TMEM117: variants seen among roughly 807,000 people sequenced by gnomAD.
The protein encoded by TMEM117 is transmembrane protein 117.
TMEM117 carries 27 observed loss-of-function variants against 52.4 expected under a neutral mutation model. That is an observed-to-expected ratio of 0.51 (90% CI 0.38 to 0.71). The LOEUF is 0.71. TMEM117 is among the 30% of genes least tolerant of loss of function. TMEM117 has a pLI of 0.00. For missense variants in TMEM117, 556 were observed against 630.5 expected (o/e 0.88, Z 1.26); for synonymous variants, 215 against 206.3 (o/e 1.04, Z -0.36).
rs748259406 is a variant in TMEM117, at chr12:43,983,547, C to CGTGTGT, written c.410+39246_410+39251dup. Among the ~76,000 whole-genome samples the CGTGTGT allele has an allele frequency of 1.6e-4, 18 of 110,728 alleles. No homozygotes were observed. In the South Asian group the frequency reaches 2.7e-3, roughly 17 times the overall value. The allele number at this position is 110,728 out of a possible 152,430, so 72.6% of individuals were successfully genotyped here. A position where few individuals can be genotyped will look rare whatever the true frequency, so the allele number is the denominator to read the frequency against. ...AAACTGCAATTACTTTTGCACCAAC[C>CGTGTGT]GTGTGTGTGTGTGTGTGTGTGTGTG... On this transcript the variant is annotated intron_variant, in intron 3 of 7. Coordinates refer to ENST00000266534, the MANE Select transcript of TMEM117 (RefSeq NM_032256.3).
intron 3 of TMEM117, among the ~76,000 whole-genome samples, chr12:44,036,139 T>C (rs1946706709): frequency 6.6e-6 from 1 of 152,212 alleles, no homozygotes; most frequent in South Asian, 2.1e-4. Context: ...TCATCTCACA[T>C]TGCATTAAAA....
At chr12:43,826,063 A>C in the TMEM117 span, among the ~76,000 whole-genome samples, 1 of 152,234 alleles carries the variant, frequency 6.6e-6, no homozygotes. Flanking sequence ...ATTGAAATGC[A>C]CCATCAAAGG....
intron 3 of TMEM117, among the ~76,000 whole-genome samples, chr12:44,075,450 A>G (rs1335149692): frequency 6.6e-6 from 1 of 152,172 alleles, no homozygotes; most frequent in Non-Finnish European, 1.5e-5. Flanking sequence ...GCTATCTTGA[A>G]ATGTGTAATA....
chr12:44,101,871 G>A (rs1252268643), intron 3 of TMEM117, among the ~76,000 whole-genome samples: 3 of 151,944 alleles, frequency 2.0e-5, no homozygotes, highest in Non-Finnish European at 2.9e-5. Context: ...TTTTGATACA[G>A]CAAGGGTAAC....
At chr12:44,186,591 G>T (rs765560433) in intron 4 of TMEM117, among the ~76,000 whole-genome samples, 10 of 152,038 alleles carry the variant, frequency 6.6e-5, no homozygotes, top group Admixed American at 3.3e-4. Context: ...GCCTATTTTT[G>T]CAAGGAGCAT....
At chr12:44,127,656 A>G (rs565212693) in intron 3 of TMEM117, among the ~76,000 whole-genome samples, 1 of 152,244 alleles carries the variant, frequency 6.6e-6, no homozygotes, top group African/African-American at 2.4e-5. Context: ...AGCCTGGGCA[A>G]CAAGAGCAAA....
chr12:44,363,677 A>G lies in TMEM117; in HGVS notation c.769-12918A>G, dbSNP rs1442525455. ...TAATTAGCATACCTTGCAGGTATTT[A>G]CATTAAAACACCCAAATGTTCTTCC... On this transcript the variant is annotated intron_variant, in intron 6 of 7. Coordinates refer to ENST00000266534, the MANE Select transcript of TMEM117 (RefSeq NM_032256.3). 2.0e-5 allele frequency among the ~76,000 whole-genome samples: 3 copies of G among 152,302 alleles called. No individual in the cohort carries two copies. In the East Asian group the frequency reaches 5.8e-4, roughly 29 times the overall value.
intron 3 of TMEM117, among the ~76,000 whole-genome samples, chr12:44,076,621 G>T (rs1373895614): frequency 6.6e-6 from 1 of 152,150 alleles, no homozygotes; most frequent in Non-Finnish European, 1.5e-5. Flanking sequence ...AATATGGATA[G>T]CAAATCAGCA....
the TMEM117 span, among the ~76,000 whole-genome samples, chr12:43,806,765 GAATT>G: frequency 2.0e-5 from 3 of 152,146 alleles, no homozygotes; most frequent in Admixed American, 6.5e-5. Flanking sequence ...TGTTTTGAAA[GAATT>G]AATATAGACT....
intron 3 of TMEM117, among the ~76,000 whole-genome samples, chr12:44,127,878 A>T (rs1322771206): frequency 6.6e-6 from 1 of 152,204 alleles, no homozygotes; most frequent in Non-Finnish European, 1.5e-5. Context: ...GTTCCCTGAA[A>T]TAAATCTCTA....
intron 2 of TMEM117, among the ~76,000 whole-genome samples, chr12:43,861,194 T>C (rs2137397016): frequency 6.6e-6 from 1 of 152,338 alleles, no homozygotes; most frequent in Non-Finnish European, 1.5e-5. Flanking sequence ...GAGGCAGCCA[T>C]GTGGGGAAGT....
At chr12:44,010,278 G>A (rs1946268993) in intron 3 of TMEM117, 1 of 455,580 alleles carries the variant, frequency 2.2e-6, no homozygotes, top group Admixed American at 2.4e-5. Context: ...GTAAGCTCTG[G>A]CTTCCCTGGA....
At chr12:43,901,495 A>C (rs1004737203) in intron 2 of TMEM117, among the ~76,000 whole-genome samples, 1 of 151,910 alleles carries the variant, frequency 6.6e-6, no homozygotes, top group Non-Finnish European at 1.5e-5. Flanking sequence ...GTTTTTAGTA[A>C]GAGACGGGGT....
intron 3 of TMEM117, among the ~76,000 whole-genome samples, chr12:44,062,651 C>G (rs2137958692): frequency 6.6e-6 from 1 of 152,288 alleles, no homozygotes; most frequent in South Asian, 2.1e-4. Context: ...CACCTGGGAG[C>G]CATGGTCTTA....
At chr12:44,325,813 C>T (rs931961559) in intron 6 of TMEM117, among the ~76,000 whole-genome samples, 21 of 152,082 alleles carry the variant, frequency 1.4e-4, no homozygotes, top group African/African-American at 5.1e-4. Context: ...AATTCTTGAA[C>T]ACTGCTCATA....
chr12:43,968,665 A>G (rs529645889), intron 3 of TMEM117, among the ~76,000 whole-genome samples: 1 of 152,338 alleles, frequency 6.6e-6, no homozygotes, highest in East Asian at 1.9e-4. Flanking sequence ...ATCTCATCCT[A>G]TTCTGCTATA....
chr12:44,128,933 A>G (rs921054346), intron 3 of TMEM117, among the ~76,000 whole-genome samples: 13 of 152,112 alleles, frequency 8.5e-5, no homozygotes, highest in Admixed American at 2.0e-4. Context: ...GTCAACTTTA[A>G]ACTTGATGCT....
At chr12:44,153,355 T>C (rs112092509) in intron 4 of TMEM117, among the ~76,000 whole-genome samples, 2 of 152,070 alleles carry the variant, frequency 1.3e-5, no homozygotes, top group Non-Finnish European at 2.9e-5. Flanking sequence ...CTTGCAAATA[T>C]TTAATAGTAG....
At chr12:44,011,979 G>A (rs1946298586) in intron 3 of TMEM117, among the ~76,000 whole-genome samples, 1 of 152,082 alleles carries the variant, frequency 6.6e-6, no homozygotes, top group Non-Finnish European at 1.5e-5. Context: ...TACTTAGAAT[G>A]GTGCATAGTT....
Sources: allele counts gnomAD v4.1 joint callset (sites outside exome capture counted in the v4.1 genomes callset), GRCh38; gene constraint gnomAD v4.1.1; transcripts MANE v1.5; gene names NCBI Gene and HGNC (gene_info 2026-07-23, HGNC 2026-07-21).